IGF1R: variants seen among roughly 807,000 people sequenced by gnomAD.
IGF1R encodes the protein insulin-like growth factor 1 receptor.
IGF1R carries 44 observed loss-of-function variants against 144.6 expected under a neutral mutation model. The observed-to-expected ratio is 0.30, with a 90% confidence interval of 0.24 to 0.39. IGF1R has a LOEUF of 0.39. Among genes scored for constraint, IGF1R ranks in the 10% least tolerant of loss-of-function variants. The pLI is 1.00. For missense variants in IGF1R, 1,355 were observed against 1,833.7 expected (o/e 0.74, Z 4.77); for synonymous variants, 795 against 722.8 (o/e 1.10, Z -1.60).
chr15:98,775,014 G>A (rs1029602087), intron 2 of IGF1R, among the ~76,000 whole-genome samples: 1 of 152,190 alleles, frequency 6.6e-6, no homozygotes, highest in Admixed American at 6.5e-5. Flanking sequence ...CCAGGTTTGA[G>A]TCCTGGCTCC....
chr15:98,914,984 C>T (rs1047887850), intron 8 of IGF1R, among the ~76,000 whole-genome samples: 1 of 152,196 alleles, frequency 6.6e-6, no homozygotes, highest in African/African-American at 2.4e-5. Flanking sequence ...TAAAGATGTT[C>T]AGAACCTTGT....
At chr15:98,886,713 C>A (rs182171584) in intron 2 of IGF1R, among the ~76,000 whole-genome samples, 2 of 152,146 alleles carry the variant, frequency 1.3e-5, no homozygotes, top group African/African-American at 2.4e-5. Flanking sequence ...GCTGGCGAGA[C>A]ACACTGCCCG....
At chr15:98,877,530 A>G (rs2013124799) in intron 2 of IGF1R, among the ~76,000 whole-genome samples, 1 of 104,534 alleles carries the variant, frequency 9.6e-6, no homozygotes, top group African/African-American at 4.0e-5. Context: ...AAAATTTGCT[A>G]CTCTTGAGGT....
intron 2 of IGF1R, among the ~76,000 whole-genome samples, chr15:98,747,863 ATACT>A (rs763753599): frequency 1.3e-5 from 2 of 151,744 alleles, no homozygotes; most frequent in East Asian, 1.9e-4. Flanking sequence ...ACTGTTAAAA[ATACT>A]TACTGACGCT....
intron 5 of IGF1R, among the ~76,000 whole-genome samples, chr15:98,902,111 A>G (rs1478976599): frequency 6.6e-6 from 1 of 152,106 alleles, no homozygotes; most frequent in Non-Finnish European, 1.5e-5. Context: ...CACATTATGG[A>G]ATCATTGGGG....
chr15:98,651,031 T>C (rs1426362873), intron 1 of IGF1R: 4 of 985,216 alleles, frequency 4.1e-6, no homozygotes, highest in Non-Finnish European at 1.2e-6. Flanking sequence ...TGAACACGAT[T>C]AAAAGTTTAA....
intron 6 of IGF1R, among the ~76,000 whole-genome samples, chr15:98,909,258 T>C (rs28774998): frequency 7.4e-4 from 88 of 119,694 alleles, no homozygotes; most frequent in African/African-American, 2.0e-3. Context: ...TTTCTTTTTT[T>C]TTCTTTTTTT....
chr15:98,666,820 G>GGTTAC (rs1360541561), intron 1 of IGF1R, among the ~76,000 whole-genome samples: 2 of 152,198 alleles, frequency 1.3e-5, no homozygotes, highest in African/African-American at 4.8e-5. Context: ...AGAGGTGGAT[G>GGTTAC]GTTACGGTGG....
chr15:98,772,055 T>G (rs1000388601), intron 2 of IGF1R, among the ~76,000 whole-genome samples: 1 of 152,100 alleles, frequency 6.6e-6, no homozygotes, highest in East Asian at 1.9e-4. Context: ...ATACATCCCT[T>G]AAGTTCTCAT....
In IGF1R at chr15:98,891,657, G is replaced by A. The variant is rs755253910; in HGVS notation, c.953+20G>A. 6.3e-7 allele frequency: 1 copy of A among 1,597,418 alleles called. No homozygotes were observed. Among genetic ancestry groups the A allele is most frequent in the Middle Eastern group, 1.7e-4 (1 of 6,050 alleles). The stretch of plus-strand genomic sequence containing the variant: ...CCAGAGGTCAGTCGCGGCCACACGT[G>A]TGGTCACTACCCGCCCCACCTCACC... On this transcript the variant is annotated intron_variant, in intron 3 of 20. Coordinates refer to ENST00000650285, the MANE Select transcript of IGF1R (RefSeq NM_000875.5). This position sits in a 1 kb window ranked among gnomAD's most constrained non-coding sequence, Gnocchi z 4.7.
chr15:98,807,452 A>C (rs1194633439), intron 2 of IGF1R, among the ~76,000 whole-genome samples: 1 of 152,168 alleles, frequency 6.6e-6, no homozygotes, highest in African/African-American at 2.4e-5. Flanking sequence ...GATATCTGAG[A>C]CGTTTTGGTT....
intron 2 of IGF1R, among the ~76,000 whole-genome samples, chr15:98,770,203 A>G (rs557547741): frequency 2.0e-5 from 3 of 152,210 alleles, no homozygotes; most frequent in African/African-American, 7.2e-5. Flanking sequence ...CATGGGCTGA[A>G]TGAATGTCTC....
intron 2 of IGF1R, among the ~76,000 whole-genome samples, chr15:98,845,469 C>CCCTCCTCCTCCCT (rs1389010929): frequency 8.8e-6 from 1 of 113,520 alleles, no homozygotes; most frequent in Non-Finnish European, 1.9e-5. Flanking sequence ...TTCTCCTGCC[C>CCCTCCTCCTCCCT]CCTCCTCCTC....
intron 15 of IGF1R, among the ~76,000 whole-genome samples, chr15:98,934,189 TCAGGAGTCCCATGTAGGGAC>T (rs1235696333): frequency 1.3e-5 from 2 of 151,434 alleles, no homozygotes; most frequent in Non-Finnish European, 2.9e-5. Context: ...CATGGAATGC[TCAGGAGTCCCATGTAGGGAC>T]CAGCTGCCAT....
At chr15:98,910,674 A>G (rs1398900699) in intron 6 of IGF1R, among the ~76,000 whole-genome samples, 1 of 152,224 alleles carries the variant, frequency 6.6e-6, no homozygotes, top group Non-Finnish European at 1.5e-5. Flanking sequence ...CAGCCAGGCT[A>G]CTTCCCATAG....
At chr15:98,878,342 T>C (rs1462195017) in intron 2 of IGF1R, among the ~76,000 whole-genome samples, 1 of 152,224 alleles carries the variant, frequency 6.6e-6, no homozygotes, top group South Asian at 2.1e-4. Flanking sequence ...GAAATAGGGC[T>C]GTAAGCATGA....
chr15:98,864,355 CATT>C (rs772738838), intron 2 of IGF1R, among the ~76,000 whole-genome samples: 6 of 152,212 alleles, frequency 3.9e-5, no homozygotes, highest in Non-Finnish European at 8.8e-5. Flanking sequence ...ATGAAGAAAT[CATT>C]ATTCAGAATT....
intron 2 of IGF1R, among the ~76,000 whole-genome samples, chr15:98,731,644 T>C (rs531767474): frequency 6.6e-6 from 1 of 152,318 alleles, no homozygotes; most frequent in East Asian, 1.9e-4. Flanking sequence ...GAATGTCGTG[T>C]GGACACGTGA....
At chr15:98,954,234 C>T (rs2016889644) in intron 20 of IGF1R, 1 of 152,018 alleles carries the variant, frequency 6.6e-6, no homozygotes. Context: ...CACCCAGCCT[C>T]CGGGGGGGGT....
Sources: gnomAD v4.1 joint callset for allele counts (sites outside exome capture counted in the v4.1 genomes callset) on GRCh38, gnomAD v4.1.1 for gene constraint, Gnocchi (gnomAD v3.1) non-coding constraint, MANE v1.5 for transcripts, NCBI Gene and HGNC (gene_info 2026-07-23, HGNC 2026-07-21) for gene names.